TRPM8: variants seen among roughly 807,000 people sequenced by gnomAD.
TRPM8 encodes transient receptor potential cation channel subfamily M member 8, also known as TRPM8 cationic channel.
TRPM8 carries 110 observed loss-of-function variants against 133.7 expected under a neutral mutation model. That is an observed-to-expected ratio of 0.82 (90% CI 0.70 to 0.96). TRPM8 has a LOEUF of 0.96. Among genes scored for constraint, TRPM8 ranks in the 40% least tolerant of loss-of-function variants. The probability of loss-of-function intolerance (pLI) is 0.00; values close to 1 mark genes in which losing one functional copy is unlikely to be tolerated. For synonymous variants in TRPM8, 535 were observed against 532.3 expected, an observed-to-expected ratio of 1.01 and a Z score of -0.07; for missense variants, 1,291 against 1,379.5, an observed-to-expected ratio of 0.94 and a Z score of 1.02.
intron 20 of TRPM8, 22 bp from the exon 21 acceptor site, chr2:233,985,666 C>T: frequency 6.2e-7 from 1 of 1,609,938 alleles, no homozygotes; most frequent in Non-Finnish European, 8.5e-7. Context: ...CTCACTTTGC[C>T]TGTTGGTTTC....
intron 14 of TRPM8, among the ~76,000 whole-genome samples, chr2:233,966,358 A>G (rs903070388): frequency 2.6e-5 from 4 of 152,140 alleles, no homozygotes; most frequent in African/African-American, 7.2e-5. Context: ...CCTCTGTCCA[A>G]TGCAGCTCAA....
chr2:234,011,426 T>C (rs1291930064), intron 24 of TRPM8, among the ~76,000 whole-genome samples: 1 of 152,206 alleles, frequency 6.6e-6, no homozygotes, highest in Non-Finnish European at 1.5e-5. Context: ...TTGCTCAAGA[T>C]TGCTTTGGCT....
At chr2:233,920,879 GGA>G (rs1427241835) in intron 1 of TRPM8, among the ~76,000 whole-genome samples, 6 of 140,474 alleles carry the variant, frequency 4.3e-5, no homozygotes, top group African/African-American at 1.6e-4. Context: ...TTTTTGAGAT[GGA>G]GTTTAGTTCT....
At chr2:233,930,771 T>C (rs1691664702) in intron 3 of TRPM8, 30 bp downstream of exon 3, 7 of 1,542,832 alleles carry the variant, frequency 4.5e-6, no homozygotes, top group Non-Finnish European at 6.2e-6. Flanking sequence ...CCAGTTTTGC[T>C]TTCCAAGTTC....
intron 10 of TRPM8, 69 bp from the exon 11 acceptor site, chr2:233,955,063 C>A: frequency 8.8e-7 from 1 of 1,136,748 alleles, no homozygotes; most frequent in Non-Finnish European, 1.3e-6. Flanking sequence ...GATAATTGGC[C>A]ACACTGAATG....
At chr2:234,012,567 T>C (rs1029196172) in intron 24 of TRPM8, among the ~76,000 whole-genome samples, 2 of 152,184 alleles carry the variant, frequency 1.3e-5, no homozygotes, top group African/African-American at 4.8e-5. Flanking sequence ...AATTTTACTT[T>C]CTTCTTTGTT....
At chr2:233,984,174 C>A (rs770322787) in intron 20 of TRPM8, among the ~76,000 whole-genome samples, 7 of 152,146 alleles carry the variant, frequency 4.6e-5, no homozygotes, top group Admixed American at 2.6e-4. Flanking sequence ...TGTGTGCCCC[C>A]GGGAAGTGAC....
At chr2:233,975,755 G>A (rs1056742870) in intron 17 of TRPM8, among the ~76,000 whole-genome samples, 3 of 152,226 alleles carry the variant, frequency 2.0e-5, no homozygotes, top group Non-Finnish European at 4.4e-5. Flanking sequence ...GGTGGCGCGT[G>A]CCTGTAATCC....
At chr2:233,971,870 C>G (rs558515845) in intron 17 of TRPM8, among the ~76,000 whole-genome samples, 1 of 125,420 alleles carries the variant, frequency 8.0e-6, no homozygotes, top group African/African-American at 4.2e-5. Flanking sequence ...ACTGCTGGCT[C>G]GCGCAGCCTG....
intron 5 of TRPM8, 149 bp downstream of exon 5, chr2:233,939,324 C>T: frequency 1.1e-6 from 1 of 882,400 alleles, no homozygotes; most frequent in Non-Finnish European, 1.7e-6. Flanking sequence ...AAGCCATATC[C>T]TCAAATGAAT....
At chr2:233,923,090 C>T (rs568940454) in intron 1 of TRPM8, among the ~76,000 whole-genome samples, 246 of 152,162 alleles carry the variant, frequency 1.6e-3, no homozygotes, top group Middle Eastern at 6.8e-3. Flanking sequence ...AGGATGGTCT[C>T]GATCTCCTGG....
At chr2:233,987,004 C>A (rs973523681) in intron 21 of TRPM8, among the ~76,000 whole-genome samples, 2 of 152,204 alleles carry the variant, frequency 1.3e-5, no homozygotes, top group Non-Finnish European at 2.9e-5. Flanking sequence ...CTACTGGGAA[C>A]CTGACTCACT....
In TRPM8 at chr2:233,937,428, G is replaced by A; in HGVS notation, c.267G>A (p.Trp89Ter). The A allele has an allele frequency of 6.2e-7, 1 of 1,614,126 alleles. No individual in the cohort carries two copies. Among genetic ancestry groups the A allele is most frequent in the Non-Finnish European group, 8.5e-7 (1 of 1,180,024 alleles). ...EGTQINQSEK[W>*]NYKKHTKEFP... ...CCCAGATCAACCAAAGTGAGAAATG[G>A]AACTACAAGAAACACACCAAGGAAT... Residue 89 changes from tryptophan to a stop codon, truncating the protein, a stop_gained, in exon 4 of 26, where the codon TGG (tryptophan) becomes TGA (stop). Transcript: ENST00000324695. LOFTEE classifies it high-confidence loss of function.
intron 15 of TRPM8, among the ~76,000 whole-genome samples, chr2:233,967,419 C>T (rs1478809674): frequency 6.6e-6 from 1 of 152,206 alleles, no homozygotes. Flanking sequence ...GAGACCAACG[C>T]TTGTCAGCCA....
chr2:233,969,548 C>T (rs1282782908), intron 15 of TRPM8, 147 bp from the exon 16 acceptor site: 79 of 611,142 alleles, frequency 1.3e-4, no homozygotes, highest in Non-Finnish European at 2.2e-4. Context: ...CCTTAGAATC[C>T]AGGCAACTGG....
chr2:233,964,901 T>A, intron 14 of TRPM8, 144 bp downstream of exon 14: 1 of 778,380 alleles, frequency 1.3e-6, no homozygotes, highest in Non-Finnish European at 1.9e-6. Flanking sequence ...GACCACAAGG[T>A]CTGGATGCGA....
rs1691262233 is a variant in TRPM8, at chr2:233,955,186, T to C, written c.1298T>C (p.Leu433Pro). Residue 433 changes from leucine (L) to proline (P), a missense_variant, in exon 11 of 26, where the codon CTG (leucine) becomes CCG (proline). Transcript: ENST00000324695. ...KDNWNGQLKL[L>P]LEWNQLDLAN... is the part of the protein sequence containing the mutation. The stretch of plus-strand genomic sequence containing the variant: ...AACTGGAATGGGCAGCTGAAGCTTC[T>C]GCTGGAGTGGAACCAGCTGGACTTA... 1 of 1,614,076 alleles carries C rather than the reference T, an allele frequency of 6.2e-7. No homozygotes were observed. The highest frequency in any genetic ancestry group is 8.5e-7 in the Non-Finnish European group (1 of 1,180,008).
chr2:233,937,415 A>C lies in TRPM8; in HGVS notation c.254A>C (p.Gln85Pro). The change falls in exon 4 of 26, where the codon CAA becomes CCA. Residue 85 changes from glutamine (Q) to proline (P), a missense_variant. Gln to Pro is a moderately conservative substitution (Grantham distance 76). Coordinates refer to ENST00000324695, the MANE Select transcript of TRPM8 (RefSeq NM_024080.5). ...CACATGGAAGGCACCCAGATCAACCAAAGTGAGAAATGGAACTACAAGAAA... is the reference window on the plus strand; with the variant it reads ...CACATGGAAGGCACCCAGATCAACCCAAGTGAGAAATGGAACTACAAGAAA... Reference protein sequence around the residue: ...SQHMEGTQINQSEKWNYKKHT... With the variant: ...SQHMEGTQINPSEKWNYKKHT... The C allele has an allele frequency of 6.2e-7, 1 of 1,614,202 alleles. No individual in the cohort carries two copies. Among genetic ancestry groups the C allele is most frequent in the Non-Finnish European group, 8.5e-7 (1 of 1,180,038 alleles).
rs201694620 is a variant in TRPM8, at chr2:234,018,185, A to G, written c.*929A>G. ...TACAGAATGTTATCATACTACATAT[A>G]TACTTTTTATGTAAGCTTTTTCACT... On this transcript the variant is annotated 3_prime_UTR_variant, in exon 26 of 26. Coordinates refer to ENST00000324695, the MANE Select transcript of TRPM8 (RefSeq NM_024080.5). 1 of 152,146 alleles carries G rather than the reference A, an allele frequency of 6.6e-6. No individual in the cohort carries two copies. The highest frequency in any genetic ancestry group is 1.5e-5 in the Non-Finnish European group (1 of 68,024). 9.4% of individuals were successfully genotyped at this position (152,146 alleles called of 1,614,324 possible).
Sources: gnomAD v4.1 joint callset for allele counts (sites outside exome capture counted in the v4.1 genomes callset) on GRCh38, gnomAD v4.1.1 for gene constraint, MANE v1.5 for transcripts, NCBI Gene and HGNC (gene_info 2026-07-23, HGNC 2026-07-21) for gene names.